Variants in EYS observed in about 807,000 individuals in gnomAD.
The protein encoded by EYS is protein eyes shut homolog.
EYS carries 250 observed loss-of-function variants against 282.1 expected under a neutral mutation model. The observed-to-expected ratio is 0.89, with a 90% CI of 0.80 to 0.98. The LOEUF (loss-of-function observed/expected upper bound fraction) is 0.98. Ranked by LOEUF, EYS falls within the 50% of genes least tolerant of loss-of-function variation. EYS has a pLI of 0.00. For synonymous variants in EYS, 1,355 were observed against 1,282.9 expected, an observed-to-expected ratio of 1.06 and a Z score of -1.20; for missense variants, 4,016 against 3,709.0, an observed-to-expected ratio of 1.08 and a Z score of -2.15.
intron 22 of EYS, among the ~76,000 whole-genome samples, chr6:64,673,188 C>T (rs963730872): frequency 2.0e-5 from 3 of 152,120 alleles, no homozygotes; most frequent in Non-Finnish European, 2.9e-5. Context: ...ATATACCTCA[C>T]TATCTTGATA....
chr6:65,332,104 T>C (rs1472889837), intron 11 of EYS: 2 of 408,022 alleles, frequency 4.9e-6, no homozygotes, highest in Admixed American at 4.1e-5. Flanking sequence ...AGTATAATGT[T>C]AGTTATGTTT....
At chr6:64,193,690 C>T (rs924692448) in intron 31 of EYS, among the ~76,000 whole-genome samples, 2 of 152,010 alleles carry the variant, frequency 1.3e-5, no homozygotes, top group Non-Finnish European at 2.9e-5. Context: ...GTGATGTTCC[C>T]CACCCTGTGT....
rs1219596289 is a variant in EYS, at chr6:64,714,527, T to G, written c.3444-88282A>C. On this transcript the variant is annotated intron_variant, in intron 22 of 42. Coordinates refer to ENST00000503581, the MANE Select transcript of EYS (RefSeq NM_001142800.2). ...CATTTTCTTTCTTTCTTTTTTTTTT[T>G]TTTTTTTTTTTTTTTTGAGACGGAG... 4.0e-4 allele frequency among the ~76,000 whole-genome samples: 58 copies of G among 145,246 alleles called. No homozygotes were observed. In the East Asian group the frequency reaches 0.011, roughly 28 times the overall value.
chr6:65,130,887 C>T (rs1472268240), intron 12 of EYS, among the ~76,000 whole-genome samples: 3 of 149,040 alleles, frequency 2.0e-5, no homozygotes, highest in African/African-American at 4.9e-5. Flanking sequence ...TTAAAATATG[C>T]TAAAAAAACT....
At chr6:63,875,279 G>T (rs1378781362) in intron 35 of EYS, among the ~76,000 whole-genome samples, 2 of 152,158 alleles carry the variant, frequency 1.3e-5, no homozygotes, top group Non-Finnish European at 2.9e-5. Context: ...TCCATTTATT[G>T]ATTTGCTTAT....
intron 36 of EYS, among the ~76,000 whole-genome samples, chr6:63,831,717 T>A (rs1207287459): frequency 6.6e-6 from 1 of 152,172 alleles, no homozygotes; most frequent in Non-Finnish European, 1.5e-5. Context: ...TAAGCAGACA[T>A]AATAGGCATC....
intron 26 of EYS, among the ~76,000 whole-genome samples, chr6:64,473,301 C>T (rs1325777082): frequency 1.3e-5 from 2 of 152,092 alleles, no homozygotes; most frequent in Non-Finnish European, 2.9e-5. Flanking sequence ...AATTTAGTGG[C>T]ATACTAATGT....
At chr6:64,769,363 A>C (rs1489750153) in intron 22 of EYS, among the ~76,000 whole-genome samples, 6 of 152,104 alleles carry the variant, frequency 3.9e-5, no homozygotes, top group Non-Finnish European at 8.8e-5. Context: ...ATTTGAATAC[A>C]ACTCTATAGA....
intron 12 of EYS, among the ~76,000 whole-genome samples, chr6:65,132,617 A>G (rs1306880406): frequency 6.6e-6 from 1 of 152,064 alleles, no homozygotes; most frequent in Non-Finnish European, 1.5e-5. Context: ...TAAATGGACA[A>G]AAGCTGTAAG....
At chr6:63,954,256 C>A (rs1455251752) in intron 35 of EYS, among the ~76,000 whole-genome samples, 1 of 152,186 alleles carries the variant, frequency 6.6e-6, no homozygotes, top group Non-Finnish European at 1.5e-5. Context: ...TTCCACCAGG[C>A]CTAATCACCA....
rs563566088 is a variant in EYS, at chr6:64,772,543, TACAGTAAACTACTGTTG to T, written c.3443+40818_3443+40834del. Among the ~76,000 whole-genome samples, 31 of 151,780 alleles carry T rather than the reference TACAGTAAACTACTGTTG, an allele frequency of 2.0e-4. 1 individual carries two copies. The highest frequency in any genetic ancestry group is 4.1e-4 in the South Asian group (2 of 4,830). On this transcript the variant is annotated intron_variant, in intron 22 of 42. Coordinates refer to ENST00000503581, the MANE Select transcript of EYS (RefSeq NM_001142800.2). ...ATAGTCTCTTAGTTATTTTAAAATCTACAGTAAACTACTGTTGACTGTAGCCATGCTGTTGTGCTATC... is the reference window on the plus strand; with the variant it reads ...ATAGTCTCTTAGTTATTTTAAAATCTACTGTAGCCATGCTGTTGTGCTATC...
At chr6:65,021,384 T>C (rs1159913671) in intron 13 of EYS, among the ~76,000 whole-genome samples, 1 of 152,226 alleles carries the variant, frequency 6.6e-6, no homozygotes, top group Admixed American at 6.5e-5. Flanking sequence ...GTGTCACCTT[T>C]GCTCTAGTTC....
intron 19 of EYS, among the ~76,000 whole-genome samples, chr6:64,847,662 T>C (rs1270309105): frequency 6.6e-6 from 1 of 152,084 alleles, no homozygotes; most frequent in African/African-American, 2.4e-5. Flanking sequence ...ATGTCAGCAA[T>C]ATCCTTTTTG....
intron 2 of EYS, among the ~76,000 whole-genome samples, chr6:65,596,413 T>TGTA (rs1765404872): frequency 6.6e-6 from 1 of 152,130 alleles, no homozygotes; most frequent in Non-Finnish European, 1.5e-5. Context: ...CAGATAGATA[T>TGTA]GTATGCAGCT....
chr6:65,548,636 C>T (rs923459220), intron 2 of EYS, among the ~76,000 whole-genome samples: 3 of 152,176 alleles, frequency 2.0e-5, no homozygotes, highest in Non-Finnish European at 2.9e-5. Context: ...TCCACCTCTT[C>T]TCTATGATTG....
intron 8 of EYS, among the ~76,000 whole-genome samples, chr6:65,378,640 C>T (rs1765486441): frequency 1.3e-5 from 2 of 151,962 alleles, no homozygotes; most frequent in Non-Finnish European, 1.5e-5. Context: ...AACCCAAATG[C>T]CCATCAATGA....
intron 15 of EYS, among the ~76,000 whole-genome samples, chr6:64,920,709 A>G (rs1020402789): frequency 1.3e-5 from 2 of 152,170 alleles, no homozygotes; most frequent in East Asian, 1.9e-4. Flanking sequence ...TGCATATATA[A>G]TCTTTCAAAT....
chr6:63,779,078 T>A (rs1259255965), intron 39 of EYS: 1 of 151,994 alleles, frequency 6.6e-6, no homozygotes. Context: ...GTAGTTTTTT[T>A]TTTTTTTAGG....
rs1187130442 is a variant in EYS at position 64,345,530 on chromosome 6, C to A, written c.6079-38448G>T. Among the ~76,000 whole-genome samples the A allele has an allele frequency of 6.6e-5, 10 of 152,194 alleles. 1 individual carries two copies. The highest frequency in any genetic ancestry group is 2.4e-4 in the African/African-American group (10 of 41,538). On this transcript the variant is annotated intron_variant, in intron 29 of 42. Transcript: ENST00000503581. ...AAGCTGAAACTGGATCCCTTCCTTA[C>A]ACCTTATACAAAAATTAATTCAAGA...
Sources: allele counts gnomAD v4.1 joint callset (sites outside exome capture counted in the v4.1 genomes callset), GRCh38; gene constraint gnomAD v4.1.1; transcripts MANE v1.5; gene names NCBI Gene and HGNC (gene_info 2026-07-23, HGNC 2026-07-21).